The following LCLAT1 variants were observed in gnomAD, a reference collection of about 807,000 sequenced individuals.
The protein encoded by LCLAT1 is lysocardiolipin acyltransferase 1, also known as 1-AGP acyltransferase 8.
LCLAT1 carries 11 observed loss-of-function variants against 30.7 expected under a neutral mutation model. The ratio of observed to expected loss-of-function variants is 0.36; its 90% CI spans 0.23 to 0.59. LCLAT1 has a LOEUF of 0.59. LCLAT1 is among the 20% of genes least tolerant of loss of function. The probability of loss-of-function intolerance (pLI) is 0.77; values close to 1 mark genes in which losing one functional copy is unlikely to be tolerated. For missense variants in LCLAT1, 402 were observed against 458.6 expected (o/e 0.88, Z 1.13); for synonymous variants, 155 against 151.3 (o/e 1.02, Z -0.18).
intron 5 of LCLAT1, among the ~76,000 whole-genome samples, chr2:30,596,443 T>C (rs1666932922): frequency 6.6e-6 from 1 of 152,166 alleles, no homozygotes; most frequent in Non-Finnish European, 1.5e-5. Context: ...ATGTCTTCTT[T>C]TGAGAAGAGT....
intron 1 of LCLAT1, among the ~76,000 whole-genome samples, chr2:30,507,575 T>C (rs532680477): frequency 1.3e-5 from 2 of 152,326 alleles, no homozygotes; most frequent in African/African-American, 4.8e-5. Context: ...TGGATTTCTG[T>C]TCCTGCGTTA....
intron 4 of LCLAT1, among the ~76,000 whole-genome samples, chr2:30,567,553 TGGG>T (rs1345321825): frequency 6.6e-6 from 1 of 152,088 alleles, no homozygotes; most frequent in Non-Finnish European, 1.5e-5. Flanking sequence ...CCCTCCCACT[TGGG>T]GGAGTCATGA....
chr2:30,510,695 C>T (rs1436566991), intron 1 of LCLAT1, among the ~76,000 whole-genome samples: 1 of 152,038 alleles, frequency 6.6e-6, no homozygotes, highest in Non-Finnish European at 1.5e-5. Flanking sequence ...TCTTTTTGGC[C>T]CTTGTATTAC....
At chr2:30,627,320 T>C (rs959591586) in intron 5 of LCLAT1, among the ~76,000 whole-genome samples, 1 of 152,166 alleles carries the variant, frequency 6.6e-6, no homozygotes, top group African/African-American at 2.4e-5. Context: ...TTATCCGCCT[T>C]ATAAGGTTAT....
intron 1 of LCLAT1, among the ~76,000 whole-genome samples, chr2:30,490,785 C>T (rs1222609575): frequency 6.6e-6 from 1 of 152,078 alleles, no homozygotes; most frequent in Non-Finnish European, 1.5e-5. Flanking sequence ...GTATACACAC[C>T]TATGCGCAGA....
intron 1 of LCLAT1, among the ~76,000 whole-genome samples, chr2:30,516,963 A>T (rs192544110): frequency 1.3e-5 from 2 of 152,246 alleles, no homozygotes; most frequent in Admixed American, 1.3e-4. Flanking sequence ...TTCCTGGGGA[A>T]GCTGAGGGCC....
intron 5 of LCLAT1, among the ~76,000 whole-genome samples, chr2:30,637,574 C>A (rs1320459410): frequency 1.3e-5 from 2 of 152,072 alleles, no homozygotes; most frequent in Non-Finnish European, 2.9e-5. Flanking sequence ...CTTCTGACTA[C>A]TGGCCCAGTT....
intron 1 of LCLAT1, among the ~76,000 whole-genome samples, chr2:30,472,190 C>A (rs1383661015): frequency 6.6e-6 from 1 of 152,136 alleles, no homozygotes; most frequent in Admixed American, 6.5e-5. Flanking sequence ...TTAGGGCTTA[C>A]ATGGGCAAGA....
intron 5 of LCLAT1, among the ~76,000 whole-genome samples, chr2:30,615,002 A>G (rs1572700263): frequency 6.6e-6 from 1 of 152,296 alleles, no homozygotes; most frequent in East Asian, 1.9e-4. Context: ...TGAGGGCAGA[A>G]GCTTCATTGG....
At chr2:30,490,893 G>C (rs1034459996) in intron 1 of LCLAT1, among the ~76,000 whole-genome samples, 2 of 152,154 alleles carry the variant, frequency 1.3e-5, no homozygotes, top group African/African-American at 2.4e-5. Context: ...TGTGTTGTAA[G>C]TATAAAATAC....
At chr2:30,620,899 C>T (rs986707323) in intron 5 of LCLAT1, among the ~76,000 whole-genome samples, 2 of 152,162 alleles carry the variant, frequency 1.3e-5, no homozygotes, top group Non-Finnish European at 2.9e-5. Flanking sequence ...CTTCTAGCAA[C>T]TCCTGGGATA....
intron 3 of LCLAT1, among the ~76,000 whole-genome samples, chr2:30,555,929 C>T (rs928025018): frequency 1.3e-5 from 2 of 150,332 alleles, no homozygotes; most frequent in Non-Finnish European, 2.9e-5. Context: ...GCTCCGCCTC[C>T]TGGTTTCATG....
intron 1 of LCLAT1, among the ~76,000 whole-genome samples, chr2:30,485,941 A>T (rs531739076): frequency 6.6e-6 from 1 of 152,190 alleles, no homozygotes; most frequent in Non-Finnish European, 1.5e-5. Context: ...GAAGAGTCAG[A>T]TGCCTTTCTA....
At chr2:30,585,733 C>G (rs1251957712) in intron 5 of LCLAT1, among the ~76,000 whole-genome samples, 1 of 152,146 alleles carries the variant, frequency 6.6e-6, no homozygotes, top group Non-Finnish European at 1.5e-5. Context: ...CAAACTCTTG[C>G]TAGTATTTGA....
At chr2:30,623,015 C>G (rs1362079390) in intron 5 of LCLAT1, among the ~76,000 whole-genome samples, 1 of 151,128 alleles carries the variant, frequency 6.6e-6, no homozygotes, top group African/African-American at 2.4e-5. Context: ...TTCAAGGAGG[C>G]ACCAGAGAAA....
chr2:30,589,663 T>C (rs1251390148), intron 5 of LCLAT1, among the ~76,000 whole-genome samples: 2 of 152,236 alleles, frequency 1.3e-5, no homozygotes, highest in Non-Finnish European at 2.9e-5. Flanking sequence ...ACTTAGTACA[T>C]GGCGTATCTT....
intron 1 of LCLAT1, among the ~76,000 whole-genome samples, chr2:30,519,561 GA>G (rs1275722870): frequency 6.6e-6 from 1 of 152,184 alleles, no homozygotes; most frequent in Non-Finnish European, 1.5e-5. Flanking sequence ...CCTAGCTGGG[GA>G]AGGTGACCTC....
chr2:30,569,432 G>A (rs1665672856), intron 5 of LCLAT1, among the ~76,000 whole-genome samples: 1 of 152,202 alleles, frequency 6.6e-6, no homozygotes, highest in Admixed American at 6.5e-5. Flanking sequence ...AAAGCCCACA[G>A]TCAACTAACA....
rs564707839 is a variant in LCLAT1 at position 30,640,108 on chromosome 2, G to A, written c.629-9G>A. On this transcript the variant is annotated splice_polypyrimidine_tract_variant and intron_variant, in intron 5 of 5. Transcript: ENST00000379509. Reference sequence around the variant, plus strand: ...GCTTAATCTATGTTTTCATCTTTTCGAAACCCAGGTAAGAACCTTGATGCT... The same window carrying A: ...GCTTAATCTATGTTTTCATCTTTTCAAAACCCAGGTAAGAACCTTGATGCT... The A allele has an allele frequency of 7.2e-5, 116 of 1,600,906 alleles. No homozygotes were observed. The highest frequency in any genetic ancestry group is 1.9e-4 in the Admixed American group (11 of 57,438).
Sources: gnomAD v4.1 joint callset for allele counts (sites outside exome capture counted in the v4.1 genomes callset) on GRCh38, gnomAD v4.1.1 for gene constraint, MANE v1.5 for transcripts, NCBI Gene and HGNC (gene_info 2026-07-23, HGNC 2026-07-21) for gene names.